The following STX8 variants were observed in gnomAD, a reference collection of about 807,000 sequenced individuals.
STX8 encodes the protein syntaxin 8, also known as syntaxin-8.
STX8 carries 23 observed loss-of-function variants against 37.5 expected under a neutral mutation model. The observed-to-expected ratio is 0.61, with a 90% CI of 0.44 to 0.87. The LOEUF (loss-of-function observed/expected upper bound fraction) is 0.87, where lower values mean the gene tolerates loss of function less well. STX8 is among the 40% of genes least tolerant of loss of function. The pLI is 0.00. For missense variants in STX8, 313 were observed against 284.7 expected (o/e 1.10, Z -0.71); for synonymous variants, 115 against 99.1 (o/e 1.16, Z -0.95).
intron 5 of STX8, among the ~76,000 whole-genome samples, chr17:9,503,517 C>T (rs1177405182): frequency 3.3e-5 from 5 of 152,112 alleles, no homozygotes; most frequent in Admixed American, 3.3e-4. Flanking sequence ...TTTTCTCCTC[C>T]TCCTCCTCCC....
At chr17:9,302,021 A>C (rs1908806431) in intron 7 of STX8, among the ~76,000 whole-genome samples, 1 of 152,160 alleles carries the variant, frequency 6.6e-6, no homozygotes, top group Admixed American at 6.6e-5. Flanking sequence ...TTTTTCCTGG[A>C]AAGTTTGAAA....
At position 9,414,112 on chromosome 17, in the gene STX8, A is replaced by ACCCACCTACCCATCTG. The variant is rs1567549772; in HGVS notation, c.542-35460_542-35459insCAGATGGGTAGGTGGG. 6.3e-4 allele frequency among the ~76,000 whole-genome samples: 48 copies of ACCCACCTACCCATCTG among 75,644 alleles called. 3 individuals carry two copies. Among genetic ancestry groups the ACCCACCTACCCATCTG allele is most frequent in the Middle Eastern group, 8.1e-3 (1 of 124 alleles). 49.6% of individuals were successfully genotyped at this position (75,644 alleles called of 152,430 possible). ...CATCCATCCATCCATCCATCCATCC[A>ACCCACCTACCCATCTG]TCCATCCATCCATCCAACCATCCAT... is the stretch of plus-strand genomic sequence containing the variant. On this transcript the variant is annotated intron_variant, in intron 6 of 7. Coordinates refer to ENST00000306357, the MANE Select transcript of STX8 (RefSeq NM_004853.3).
rs1157787280 is a variant in STX8, at chr17:9,405,975, CTT to C, written c.542-27324_542-27323del. 2.0e-5 allele frequency among the ~76,000 whole-genome samples: 3 copies of C among 152,238 alleles called. No homozygotes were observed. In the East Asian group the frequency reaches 5.8e-4, roughly 29 times the overall value. ...ATCACATTAGCGTGTATAGATATGCCTTTCTTATAGCAATCCTGCACTACAGA... is the reference window on the plus strand; with the variant it reads ...ATCACATTAGCGTGTATAGATATGCCTCTTATAGCAATCCTGCACTACAGA... On this transcript the variant is annotated intron_variant, in intron 6 of 7. Coordinates refer to ENST00000306357, the MANE Select transcript of STX8 (RefSeq NM_004853.3).
At chr17:9,367,435 T>C (rs991038493) in intron 7 of STX8, among the ~76,000 whole-genome samples, 3 of 152,184 alleles carry the variant, frequency 2.0e-5, no homozygotes, top group African/African-American at 7.2e-5. Flanking sequence ...CAGCTGTCAC[T>C]TATCTGGGCC....
chr17:9,534,565 C>A (rs374552692), intron 4 of STX8, among the ~76,000 whole-genome samples: 1 of 152,090 alleles, frequency 6.6e-6, no homozygotes, highest in East Asian at 1.9e-4. Context: ...CCGAGCTAGG[C>A]GGATCATGAG....
intron 4 of STX8, among the ~76,000 whole-genome samples, chr17:9,529,933 T>C (rs1905745536): frequency 6.6e-6 from 1 of 152,040 alleles, no homozygotes; most frequent in South Asian, 2.1e-4. Flanking sequence ...TGTACTATGA[T>C]TCCATCAGTG....
At chr17:9,471,680 G>T (rs868129918) in intron 6 of STX8, among the ~76,000 whole-genome samples, 1 of 152,054 alleles carries the variant, frequency 6.6e-6, no homozygotes, top group Non-Finnish European at 1.5e-5. Context: ...AAAAAACCCC[G>T]GGCACTGAGT....
chr17:9,553,968 C>G (rs1387317194), intron 3 of STX8: 1 of 152,290 alleles, frequency 6.6e-6, no homozygotes, highest in Non-Finnish European at 1.5e-5. Flanking sequence ...GTGTAGAAAA[C>G]TCCTCTGCTG....
At chr17:9,312,300 C>G (rs1315405938) in intron 7 of STX8, among the ~76,000 whole-genome samples, 1 of 152,002 alleles carries the variant, frequency 6.6e-6, no homozygotes, top group East Asian at 1.9e-4. Flanking sequence ...CTCCTGGGTT[C>G]AAGTGATTCT....
At chr17:9,293,595 C>T (rs557066684) in intron 7 of STX8, among the ~76,000 whole-genome samples, 10 of 151,936 alleles carry the variant, frequency 6.6e-5, no homozygotes, top group East Asian at 1.9e-4. Flanking sequence ...GAAGGTCCGG[C>T]GGTCTACCCA....
At chr17:9,425,794 CTCCAAGCTCAGA>C (rs1175819073) in intron 6 of STX8, among the ~76,000 whole-genome samples, 2 of 152,184 alleles carry the variant, frequency 1.3e-5, no homozygotes, top group African/African-American at 2.4e-5. Flanking sequence ...ACTAATGTCC[CTCCAAGCTCAGA>C]TCCCTAGCAC....
intron 6 of STX8, among the ~76,000 whole-genome samples, chr17:9,416,058 G>A (rs1209429369): frequency 2.6e-5 from 4 of 152,190 alleles, no homozygotes; most frequent in Non-Finnish European, 5.9e-5. Context: ...TTTCCCTTGA[G>A]TTCTCATTCC....
rs185624074 is a variant in STX8, at chr17:9,274,099, G to A, written c.644-23454C>T. Among the ~76,000 whole-genome samples, 184 of 152,264 alleles carry A rather than the reference G, an allele frequency of 1.2e-3. 1 individual carries two copies. The highest frequency in any genetic ancestry group is 2.0e-3 in the Non-Finnish European group (139 of 68,012). On this transcript the variant is annotated intron_variant, in intron 7 of 7. Transcript: ENST00000306357. Reference sequence around the variant, plus strand: ...TTCTACCAAAAAGTCAGACAAGAAAGTCATTTTCTTATGAAAAGTGTCAAA... The same window carrying A: ...TTCTACCAAAAAGTCAGACAAGAAAATCATTTTCTTATGAAAAGTGTCAAA...
chr17:9,335,563 A>G (rs1444615449), intron 7 of STX8, among the ~76,000 whole-genome samples: 3 of 152,164 alleles, frequency 2.0e-5, no homozygotes, highest in Non-Finnish European at 4.4e-5. Flanking sequence ...TCATAGAAAA[A>G]AAACTGGAAA....
intron 4 of STX8, among the ~76,000 whole-genome samples, chr17:9,511,016 G>T (rs548908175): frequency 1.3e-5 from 2 of 152,156 alleles, no homozygotes; most frequent in African/African-American, 4.8e-5. Context: ...AGAGGAAATG[G>T]ATAAATTCCT....
intron 7 of STX8, among the ~76,000 whole-genome samples, chr17:9,329,262 G>A (rs1909885002): frequency 6.6e-6 from 1 of 152,050 alleles, no homozygotes; most frequent in Admixed American, 6.6e-5. Flanking sequence ...GGATGCTACA[G>A]GAAATTACTT....
At chr17:9,296,571 TTCAACAATAAACTTGTAAA>T (rs1567772911) in intron 7 of STX8, among the ~76,000 whole-genome samples, 1 of 151,442 alleles carries the variant, frequency 6.6e-6, no homozygotes, top group African/African-American at 2.4e-5. Flanking sequence ...AATTCATTCA[TTCAACAATAAACTTGTAAA>T]TGGCTGGAAG....
At chr17:9,478,652 A>G (rs1414141409) in intron 6 of STX8, among the ~76,000 whole-genome samples, 2 of 152,202 alleles carry the variant, frequency 1.3e-5, no homozygotes, top group Non-Finnish European at 2.9e-5. Context: ...CACACTGTGA[A>G]GCCCTCTGCG....
intron 2 of STX8, among the ~76,000 whole-genome samples, chr17:9,566,459 T>A (rs1907464578): frequency 6.6e-6 from 1 of 152,176 alleles, no homozygotes; most frequent in Admixed American, 6.5e-5. Flanking sequence ...ATTGGGTATA[T>A]CCCCGAAGGA....
Sources: allele counts gnomAD v4.1 joint callset (sites outside exome capture counted in the v4.1 genomes callset), GRCh38; gene constraint gnomAD v4.1.1; transcripts MANE v1.5; gene names NCBI Gene and HGNC (gene_info 2026-07-23, HGNC 2026-07-21).